The following SCAND3 variants were observed in gnomAD, a reference collection of about 807,000 sequenced individuals.
The protein encoded by SCAND3 is SCAN domain containing 3.
chr6:28,596,075 T>C, the SCAND3 span, among the ~76,000 whole-genome samples: 1 of 152,246 alleles, frequency 6.6e-6, no homozygotes, highest in Non-Finnish European at 1.5e-5. Context: ...TAAATGAGTA[T>C]ATCCTAAGAC....
the SCAND3 span, among the ~76,000 whole-genome samples, chr6:28,586,014 C>G: frequency 1.5e-4 from 23 of 152,238 alleles, no homozygotes; most frequent in Middle Eastern, 3.4e-3. This position sits in a 1 kb window ranked among gnomAD's most constrained non-coding sequence, Gnocchi z 4.4. Context: ...AAAAAATTTA[C>G]TATTGTATAT....
the SCAND3 span, among the ~76,000 whole-genome samples, chr6:28,600,430 C>T: frequency 3.9e-5 from 6 of 152,128 alleles, no homozygotes; most frequent in Non-Finnish European, 5.9e-5. Context: ...GCCAGGAGTT[C>T]GAGACCAGCC....
chr6:28,582,030 TA>T, the SCAND3 span, among the ~76,000 whole-genome samples: 2 of 152,082 alleles, frequency 1.3e-5, no homozygotes, highest in Non-Finnish European at 2.9e-5. This position sits in a 1 kb window ranked among gnomAD's most constrained non-coding sequence, Gnocchi z 4.8. Flanking sequence ...CTGACCACAT[TA>T]AAAAAACTAT....
chr6:28,609,679 A>G, the SCAND3 span, among the ~76,000 whole-genome samples: 1 of 152,350 alleles, frequency 6.6e-6, no homozygotes, highest in Non-Finnish European at 1.5e-5. Context: ...CCTAAAACCA[A>G]AGCTAAATTT....
the SCAND3 span, among the ~76,000 whole-genome samples, chr6:28,612,097 C>T: frequency 3.6e-3 from 540 of 151,490 alleles, 4 homozygotes; most frequent in African/African-American, 0.012. Flanking sequence ...AGTGCAGTGG[C>T]GCGATCTCAG....
At chr6:28,572,372 G>A in the SCAND3 span, 30 of 1,611,570 alleles carry the variant, frequency 1.9e-5, no homozygotes, top group Non-Finnish European at 2.4e-5. This position sits in a 1 kb window ranked among gnomAD's most constrained non-coding sequence, Gnocchi z 4.1. Flanking sequence ...TTTCGCAGAT[G>A]TGCAATATCA....
the SCAND3 span, among the ~76,000 whole-genome samples, chr6:28,577,233 C>T: frequency 1.3e-5 from 2 of 151,928 alleles, no homozygotes; most frequent in Non-Finnish European, 2.9e-5. Context: ...TCAAATTTGG[C>T]TAAGTGTTAA....
chr6:28,575,560 ATG>A, the SCAND3 span: 1 of 1,613,874 alleles, frequency 6.2e-7, no homozygotes, highest in Admixed American at 1.7e-5. The surrounding 1 kb of genome is among the most constrained non-coding windows in gnomAD (Gnocchi z 4.2). Context: ...ATTCAACTGC[ATG>A]TCTATAAGAT....
the SCAND3 span, among the ~76,000 whole-genome samples, chr6:28,615,206 G>T: frequency 7.2e-5 from 11 of 152,228 alleles, no homozygotes; most frequent in African/African-American, 2.6e-4. Flanking sequence ...ACTGGTGGTT[G>T]GCCATTCCCC....
At chr6:28,572,388 A>G in the SCAND3 span, 2 of 1,613,054 alleles carry the variant, frequency 1.2e-6, no homozygotes, top group Non-Finnish European at 1.7e-6. This position sits in a 1 kb window ranked among gnomAD's most constrained non-coding sequence, Gnocchi z 4.1. Context: ...TATCAAGATC[A>G]TTACCTACTT....
chr6:28,600,684 A>G, the SCAND3 span, among the ~76,000 whole-genome samples: 1 of 152,152 alleles, frequency 6.6e-6, no homozygotes, highest in Non-Finnish European at 1.5e-5. Context: ...ACCCAGAAAT[A>G]ATATATGAAC....
chr6:28,575,250 G>C, the SCAND3 span: 1 of 1,613,868 alleles, frequency 6.2e-7, no homozygotes, highest in African/African-American at 1.3e-5. The surrounding 1 kb of genome is among the most constrained non-coding windows in gnomAD (Gnocchi z 4.2). Context: ...TTTGCATCCA[G>C]GAGAAAATCC....
chr6:28,615,095 A>T, the SCAND3 span, among the ~76,000 whole-genome samples: 1 of 152,194 alleles, frequency 6.6e-6, no homozygotes, highest in Non-Finnish European at 1.5e-5. Flanking sequence ...ACAATAGTTA[A>T]TCTTGCCTCA....
the SCAND3 span, among the ~76,000 whole-genome samples, chr6:28,592,417 T>C: frequency 2.0e-5 from 3 of 152,054 alleles, no homozygotes; most frequent in Admixed American, 6.6e-5. The surrounding 1 kb of genome is among the most constrained non-coding windows in gnomAD (Gnocchi z 4.1). Context: ...ACTATAAAAC[T>C]CTGATAAAAT....
At chr6:28,575,873 C>T in the SCAND3 span, 1 of 1,614,058 alleles carries the variant, frequency 6.2e-7, no homozygotes, top group South Asian at 1.1e-5. The surrounding 1 kb of genome is among the most constrained non-coding windows in gnomAD (Gnocchi z 4.2). Flanking sequence ...ACAAGGATAA[C>T]ATCAAATCTA....
At chr6:28,596,626 A>AT in the SCAND3 span, among the ~76,000 whole-genome samples, 2 of 135,176 alleles carry the variant, frequency 1.5e-5, no homozygotes, top group South Asian at 2.1e-4. Context: ...AAAAATATAT[A>AT]TTTTTTTCTC....
the SCAND3 span, chr6:28,589,302 T>A: frequency 1.3e-5 from 2 of 152,204 alleles, no homozygotes; most frequent in African/African-American, 4.8e-5. Flanking sequence ...CCTAACTCTT[T>A]CGGATCGGAA....
At chr6:28,578,223 C>T in the SCAND3 span, among the ~76,000 whole-genome samples, 9 of 152,132 alleles carry the variant, frequency 5.9e-5, no homozygotes, top group Non-Finnish European at 1.3e-4. Flanking sequence ...TGTGGTTTGG[C>T]CTCATTTAAC....
At chr6:28,583,177 G>A in the SCAND3 span, among the ~76,000 whole-genome samples, 1 of 151,958 alleles carries the variant, frequency 6.6e-6, no homozygotes, top group Non-Finnish European at 1.5e-5. Flanking sequence ...CGGATCACGA[G>A]GTCAGGAGAC....
Sources: allele counts gnomAD v4.1 joint callset (sites outside exome capture counted in the v4.1 genomes callset), GRCh38; gene constraint gnomAD v4.1.1; non-coding constraint Gnocchi (gnomAD v3.1); transcripts MANE v1.5; gene names NCBI Gene and HGNC (gene_info 2026-07-23, HGNC 2026-07-21).